The following SH3RF1 variants were observed in gnomAD, a reference collection of about 807,000 sequenced individuals.
The protein encoded by SH3RF1 is E3 ubiquitin-protein ligase SH3RF1.
A neutral mutation model predicts 74.0 loss-of-function variants in SH3RF1; 32 were observed. The ratio of observed to expected loss-of-function variants is 0.43; its 90% CI spans 0.33 to 0.58. The LOEUF (loss-of-function observed/expected upper bound fraction) is 0.58, where lower values mean the gene tolerates loss of function less well. Among genes scored for constraint, SH3RF1 ranks in the 20% least tolerant of loss-of-function variants. SH3RF1 has a pLI of 0.05. For missense variants in SH3RF1, 954 were observed against 1,130.9 expected, an observed-to-expected ratio of 0.84 and a Z score of 2.24; for synonymous variants, 396 against 439.6, an observed-to-expected ratio of 0.90 and a Z score of 1.24.
At chr4:169,237,834 A>G (rs1026140310) in intron 2 of SH3RF1, among the ~76,000 whole-genome samples, 3 of 152,188 alleles carry the variant, frequency 2.0e-5, no homozygotes, top group African/African-American at 7.2e-5. Context: ...CTGTAGGACC[A>G]ATTTTAGCAA....
At chr4:169,251,493 G>C (rs1404205164) in intron 2 of SH3RF1, among the ~76,000 whole-genome samples, 1 of 152,118 alleles carries the variant, frequency 6.6e-6, no homozygotes, top group African/African-American at 2.4e-5. Flanking sequence ...TAGTTCTTTT[G>C]TCCTTAAACA....
chr4:169,170,373 T>A (rs1322337487), intron 2 of SH3RF1, among the ~76,000 whole-genome samples: 1 of 152,178 alleles, frequency 6.6e-6, no homozygotes, highest in Admixed American at 6.5e-5. Context: ...GTATACTGCA[T>A]AAGAAGGTAA....
At chr4:169,169,068 T>G (rs1283316143) in intron 2 of SH3RF1, among the ~76,000 whole-genome samples, 7 of 152,240 alleles carry the variant, frequency 4.6e-5, no homozygotes, top group African/African-American at 9.6e-5. Context: ...TTTATCTTCT[T>G]ATTTTTGCTG....
chr4:169,219,149 C>G (rs1432231893), intron 2 of SH3RF1, among the ~76,000 whole-genome samples: 3 of 152,094 alleles, frequency 2.0e-5, no homozygotes, highest in Non-Finnish European at 2.9e-5. Context: ...TAGACGCAAG[C>G]ATAAGAACAG....
intron 2 of SH3RF1, among the ~76,000 whole-genome samples, chr4:169,234,440 A>C (rs1730795530): frequency 6.6e-6 from 1 of 152,226 alleles, no homozygotes; most frequent in Non-Finnish European, 1.5e-5. Flanking sequence ...AGCAAATTAA[A>C]ACATAACTCC....
intron 2 of SH3RF1, among the ~76,000 whole-genome samples, chr4:169,239,899 T>C (rs559977855): frequency 6.7e-4 from 102 of 151,996 alleles, no homozygotes; most frequent in African/African-American, 2.3e-3. Context: ...TGGTGTGCAC[T>C]TATACTCCCA....
chr4:169,149,833 G>A (rs1332516642), intron 4 of SH3RF1, among the ~76,000 whole-genome samples: 4 of 152,070 alleles, frequency 2.6e-5, no homozygotes, highest in Non-Finnish European at 4.4e-5. Flanking sequence ...GGTTATTATT[G>A]TGCCCTTCTG....
intron 2 of SH3RF1, among the ~76,000 whole-genome samples, chr4:169,175,825 C>T (rs530258198): frequency 1.3e-5 from 2 of 152,128 alleles, no homozygotes; most frequent in Non-Finnish European, 2.9e-5. Context: ...CTTCCCTCTC[C>T]CCCCATCCCC....
Position 169,262,130 on chromosome 4 carries a change from T to A in SH3RF1, c.393+6690A>T, listed in dbSNP as rs561718337. ...AAAAACTGGAGTAGGTCTATGTGCT[T>A]AAACATGAAGAGATTTCATAGATAT... On this transcript the variant is annotated intron_variant, in intron 2 of 11. Transcript: ENST00000284637. Among the ~76,000 whole-genome samples, 14 of 152,264 alleles carry A rather than the reference T, an allele frequency of 9.2e-5. No individual in the cohort carries two copies. The East Asian group carries it at 2.7e-3, about 29-fold the overall frequency.
intron 8 of SH3RF1, 77 bp from the exon 9 acceptor site, chr4:169,117,859 A>G: frequency 6.6e-7 from 1 of 1,508,752 alleles, no homozygotes. Context: ...TGCAAGAAAA[A>G]TGACTCAGAG....
At chr4:169,270,767 G>A (rs867110196) in intron 1 of SH3RF1, 92 bp downstream of exon 1, 2 of 152,124 alleles carry the variant, frequency 1.3e-5, no homozygotes, top group African/African-American at 2.4e-5. Context: ...CCAGGGCGGG[G>A]ATGGGGGAAT....
chr4:169,236,265 A>C (rs1461890502), intron 2 of SH3RF1, among the ~76,000 whole-genome samples: 1 of 152,220 alleles, frequency 6.6e-6, no homozygotes, highest in Non-Finnish European at 1.5e-5. Context: ...AAAACATGTC[A>C]CTTCCAGATG....
intron 2 of SH3RF1, among the ~76,000 whole-genome samples, chr4:169,164,899 C>T (rs1197088122): frequency 6.6e-6 from 1 of 152,160 alleles, no homozygotes; most frequent in Non-Finnish European, 1.5e-5. Context: ...ACAGATAAAT[C>T]ATTAAAGAAA....
chr4:169,168,517 G>A (rs1008349907), intron 2 of SH3RF1, among the ~76,000 whole-genome samples: 5 of 152,182 alleles, frequency 3.3e-5, no homozygotes, highest in African/African-American at 1.2e-4. Context: ...TATTATTCTA[G>A]AATAAGTCTT....
intron 11 of SH3RF1, among the ~76,000 whole-genome samples, chr4:169,106,096 G>GTA (rs976978838): frequency 2.6e-5 from 4 of 151,272 alleles, no homozygotes; most frequent in Admixed American, 6.6e-5. Flanking sequence ...ATGTGTGTGT[G>GTA]TATATATATT....
chr4:169,228,210 C>T (rs1730680480), intron 2 of SH3RF1, among the ~76,000 whole-genome samples: 2 of 152,196 alleles, frequency 1.3e-5, no homozygotes, highest in Non-Finnish European at 2.9e-5. Flanking sequence ...AGATAGTCTT[C>T]AAACACAAGT....
intron 2 of SH3RF1, among the ~76,000 whole-genome samples, chr4:169,267,502 C>A (rs1731372677): frequency 1.3e-5 from 2 of 152,204 alleles, no homozygotes; most frequent in Non-Finnish European, 2.9e-5. Flanking sequence ...GTAAGCAGAT[C>A]AGTTTCACAA....
intron 2 of SH3RF1, among the ~76,000 whole-genome samples, chr4:169,194,777 C>T (rs1000742321): frequency 2.6e-5 from 4 of 152,104 alleles, no homozygotes; most frequent in African/African-American, 9.7e-5. Flanking sequence ...TACCAGTCTC[C>T]CAAAGTGATT....
At chr4:169,131,190 C>A (rs984186457) in intron 5 of SH3RF1, among the ~76,000 whole-genome samples, 5 of 152,190 alleles carry the variant, frequency 3.3e-5, no homozygotes, top group Non-Finnish European at 5.9e-5. Flanking sequence ...CAGGCATAAT[C>A]AGCATCATGG....
Sources: gnomAD v4.1 joint callset for allele counts (sites outside exome capture counted in the v4.1 genomes callset) on GRCh38, gnomAD v4.1.1 for gene constraint, MANE v1.5 for transcripts, NCBI Gene and HGNC (gene_info 2026-07-23, HGNC 2026-07-21) for gene names.